DENND2A: variants seen among roughly 807,000 people sequenced by gnomAD.
DENND2A encodes DENN domain containing 2A, also known as DENN domain-containing protein 2A.
DENND2A carries 53 observed loss-of-function variants against 105.3 expected under a neutral mutation model. That is an observed-to-expected ratio of 0.50 (90% CI 0.40 to 0.63). The LOEUF is 0.63. Ranked by LOEUF, DENND2A falls within the 30% of genes least tolerant of loss-of-function variation. DENND2A has a pLI of 0.00. For synonymous variants in DENND2A, 522 were observed against 508.4 expected (o/e 1.03, Z -0.36); for missense variants, 1,138 against 1,279.6 (o/e 0.89, Z 1.69).
chr7:140,534,622 G>T (rs1391007301), intron 14 of DENND2A, among the ~76,000 whole-genome samples: 17 of 152,214 alleles, frequency 1.1e-4, no homozygotes, highest in Non-Finnish European at 4.4e-5. Flanking sequence ...GCACTCCTGG[G>T]ACTGGTGGTC....
At chr7:140,566,140 T>C (rs1244222015) in intron 9 of DENND2A, among the ~76,000 whole-genome samples, 1 of 152,186 alleles carries the variant, frequency 6.6e-6, no homozygotes, top group Non-Finnish European at 1.5e-5. Context: ...CAAGCGATTC[T>C]ACAGCCTCAG....
In DENND2A at chr7:140,555,568, A is replaced by C. The variant is rs193283204; in HGVS notation, c.2037+68T>G. On this transcript the variant is annotated intron_variant, in intron 12 of 19. Transcript: ENST00000496613. Reference sequence around the variant, plus strand: ...GATAGAAGGCCCAGGACATGGGGGTATTCCCTGGAGCCCTCTAGAGCCCTC... The same window carrying C: ...GATAGAAGGCCCAGGACATGGGGGTCTTCCCTGGAGCCCTCTAGAGCCCTC... The C allele has an allele frequency of 1.5e-4, 202 of 1,390,944 alleles. No individual in the cohort carries two copies. The African/African-American group carries it at 2.7e-3, about 19-fold the overall frequency. 86.2% of individuals were successfully genotyped at this position (1,390,944 alleles called of 1,614,324 possible). A position where few individuals can be genotyped will look rare whatever the true frequency, so the allele number is the denominator to read the frequency against.
intron 3 of DENND2A, among the ~76,000 whole-genome samples, chr7:140,588,671 G>A (rs920579423): frequency 1.8e-4 from 27 of 152,040 alleles, no homozygotes; most frequent in African/African-American, 6.5e-4. Flanking sequence ...GACCTCAAGT[G>A]ATCCTCCTGC....
intron 3 of DENND2A, among the ~76,000 whole-genome samples, chr7:140,594,111 T>C (rs1799182166): frequency 6.6e-6 from 1 of 152,136 alleles, no homozygotes; most frequent in Non-Finnish European, 1.5e-5. Flanking sequence ...TTTCACCATG[T>C]AGGCCAGGCT....
chr7:140,564,539 T>C (rs1220685738), intron 9 of DENND2A, among the ~76,000 whole-genome samples: 1 of 152,196 alleles, frequency 6.6e-6, no homozygotes. Flanking sequence ...CATTACACCA[T>C]TAGAAAAGAC....
At chr7:140,535,274 G>A (rs1197457338) in intron 14 of DENND2A, among the ~76,000 whole-genome samples, 3 of 152,162 alleles carry the variant, frequency 2.0e-5, no homozygotes, top group Admixed American at 6.6e-5. Context: ...CTCCACTCCC[G>A]AAAACATGAG....
chr7:140,576,588 C>T (rs1057183848), intron 5 of DENND2A, among the ~76,000 whole-genome samples: 6 of 152,176 alleles, frequency 3.9e-5, no homozygotes, highest in Admixed American at 2.0e-4. Flanking sequence ...TTTCTCCATT[C>T]GCTATTTGCT....
intron 14 of DENND2A, among the ~76,000 whole-genome samples, chr7:140,538,208 A>G (rs540531917): frequency 1.3e-5 from 2 of 152,170 alleles, no homozygotes; most frequent in Non-Finnish European, 2.9e-5. Context: ...CACAGCGATG[A>G]TGAGAGAATA....
At chr7:140,622,625 T>C (rs1639968) in intron 1 of DENND2A, among the ~76,000 whole-genome samples, 5,827 of 152,172 alleles carry the variant, frequency 0.038, 340 homozygotes, top group African/African-American at 0.13. Flanking sequence ...ACAACACCAG[T>C]GTACTGAAGT....
chr7:140,582,748 G>A (rs1798594890), intron 5 of DENND2A, among the ~76,000 whole-genome samples: 1 of 152,168 alleles, frequency 6.6e-6, no homozygotes, highest in African/African-American at 2.4e-5. Flanking sequence ...CTGTGGGGCT[G>A]GGACAGGAAG....
At chr7:140,576,589 G>A (rs895596337) in intron 5 of DENND2A, among the ~76,000 whole-genome samples, 2 of 152,092 alleles carry the variant, frequency 1.3e-5, no homozygotes, top group African/African-American at 4.8e-5. Context: ...TTCTCCATTC[G>A]CTATTTGCTT....
chr7:140,578,780 A>C (rs370882115), intron 5 of DENND2A, among the ~76,000 whole-genome samples: 24 of 152,350 alleles, frequency 1.6e-4, no homozygotes, highest in African/African-American at 5.8e-4. Context: ...AGGCTGAGAC[A>C]GGAGAATCGC....
At chr7:140,581,962 G>C (rs1459115735) in intron 5 of DENND2A, among the ~76,000 whole-genome samples, 1 of 126,368 alleles carries the variant, frequency 7.9e-6, no homozygotes, top group Non-Finnish European at 1.6e-5. Context: ...AGCTGCCTTG[G>C]GCAGATGTTT....
At chr7:140,573,001 A>G (rs1005458179) in intron 6 of DENND2A, among the ~76,000 whole-genome samples, 2 of 152,114 alleles carry the variant, frequency 1.3e-5, no homozygotes, top group Non-Finnish European at 2.9e-5. Context: ...GGCCAAGAGA[A>G]ATCTAATCAA....
intron 9 of DENND2A, among the ~76,000 whole-genome samples, chr7:140,561,707 G>T (rs1458865469): frequency 6.8e-6 from 1 of 147,020 alleles, no homozygotes; most frequent in African/African-American, 2.5e-5. Flanking sequence ...TAGAGACAGG[G>T]TTTCACCATG....
In DENND2A at chr7:140,591,337, T is replaced by C. The variant is rs115390407; in HGVS notation, c.996-3557A>G. 6.0e-3 allele frequency among the ~76,000 whole-genome samples: 916 copies of C among 152,306 alleles called. 6 individuals are homozygous for C. Among genetic ancestry groups the C allele is most frequent in the African/African-American group, 0.02 (850 of 41,562 alleles). On this transcript the variant is annotated intron_variant, in intron 3 of 19. Transcript: ENST00000496613. ...TCAAAATAAAAGATGGTTATTCACG[T>C]TGCAAAACTAATTTGCAAAACGATT...
chr7:140,538,800 C>T (rs1796541561), intron 14 of DENND2A, among the ~76,000 whole-genome samples: 1 of 151,018 alleles, frequency 6.6e-6, no homozygotes, highest in Non-Finnish European at 1.5e-5. Context: ...GCAATTGCAC[C>T]TGGCCCTTTT....
At chr7:140,578,891 T>C (rs936469589) in intron 5 of DENND2A, among the ~76,000 whole-genome samples, 6 of 151,954 alleles carry the variant, frequency 3.9e-5, no homozygotes, top group Non-Finnish European at 7.4e-5. Flanking sequence ...AAAATAAAAA[T>C]AGAAAGGCTT....
intron 1 of DENND2A, among the ~76,000 whole-genome samples, chr7:140,610,846 A>G (rs1799869323): frequency 6.6e-6 from 1 of 152,174 alleles, no homozygotes; most frequent in South Asian, 2.1e-4. Context: ...AGGACCCGGC[A>G]GCTCCTTTAG....
Sources: gnomAD v4.1 joint callset for allele counts (sites outside exome capture counted in the v4.1 genomes callset) on GRCh38, gnomAD v4.1.1 for gene constraint, MANE v1.5 for transcripts, NCBI Gene and HGNC (gene_info 2026-07-23, HGNC 2026-07-21) for gene names.